SPAST: variants seen among roughly 807,000 people sequenced by gnomAD.
The protein encoded by SPAST is spastin.
In SPAST, 30 loss-of-function variants were observed where a neutral mutation model predicts 76.6. The ratio of observed to expected loss-of-function variants is 0.39; its 90% CI spans 0.29 to 0.53. SPAST has a LOEUF of 0.53. Among genes scored for constraint, SPAST ranks in the 20% least tolerant of loss-of-function variants. The pLI, the probability that SPAST is intolerant of heterozygous loss-of-function variation, is 0.68. For missense variants in SPAST, 717 were observed against 770.5 expected (o/e 0.93, Z 0.82); for synonymous variants, 305 against 281.0 (o/e 1.09, Z -0.86).
intron 5 of SPAST, 131 bp downstream of exon 5, chr2:32,114,956 A>ATTTT: frequency 1.8e-6 from 1 of 556,006 alleles, no homozygotes; most frequent in Non-Finnish European, 2.9e-6. Flanking sequence ...CATAAAGTTA[A>ATTTT]ATTTTTTTTT....
intron 1 of SPAST, among the ~76,000 whole-genome samples, chr2:32,069,090 G>A (rs1676642338): frequency 6.6e-6 from 1 of 151,920 alleles, no homozygotes; most frequent in Non-Finnish European, 1.5e-5. Context: ...GTGCACGCCT[G>A]TAGTCCCGGG....
intron 3 of SPAST, among the ~76,000 whole-genome samples, chr2:32,093,186 C>G (rs1319322348): frequency 6.6e-6 from 1 of 151,264 alleles, no homozygotes; most frequent in African/African-American, 2.4e-5. Context: ...TGGCGGGCGC[C>G]TGTAGTCCCA....
chr2:32,076,123 A>G (rs544647620), intron 1 of SPAST, among the ~76,000 whole-genome samples: 1 of 147,058 alleles, frequency 6.8e-6, no homozygotes, highest in South Asian at 2.2e-4. Flanking sequence ...CTAGCCTTGA[A>G]CTCCTCGCCT....
In SPAST at chr2:32,143,452, A is replaced by G. The variant is rs1315780008; in HGVS notation, c.1616+37A>G. The stretch of plus-strand genomic sequence containing the variant: ...GGATTTGGTTTATCTTACAGCTTTT[A>G]TTTATTTTTTGTAAATAATTCTTTT... On this transcript the variant is annotated intron_variant, in intron 14 of 16. Transcript: ENST00000315285. 4 of 1,230,870 alleles carry G rather than the reference A, an allele frequency of 3.2e-6. No homozygotes were observed. In the African/African-American group the frequency reaches 6.0e-5, roughly 19 times the overall value. The allele number at this position is 1,230,870 out of a possible 1,614,324, so 76.2% of individuals were successfully genotyped here. A position where few individuals can be genotyped will look rare whatever the true frequency, so the allele number is the denominator to read the frequency against.
chr2:32,148,537 C>T (rs1213869458), intron 16 of SPAST, among the ~76,000 whole-genome samples: 2 of 151,500 alleles, frequency 1.3e-5, no homozygotes, highest in Non-Finnish European at 2.9e-5. Flanking sequence ...AGGCCGGGGG[C>T]GGTGGCTCAC....
intron 1 of SPAST, among the ~76,000 whole-genome samples, chr2:32,086,105 A>G (rs961610827): frequency 2.0e-5 from 3 of 152,084 alleles, no homozygotes; most frequent in African/African-American, 7.2e-5. Context: ...ATTGTATTAT[A>G]TTGATTTTGA....
At chr2:32,147,345 GTTTTTTTTTTTTTTT>G in intron 16 of SPAST, 87 bp downstream of exon 16, 2 of 160,090 alleles carry the variant, frequency 1.2e-5, no homozygotes, top group Non-Finnish European at 2.1e-5. Context: ...TGTGTGTGTG[GTTTTTTTTTTTTTTT>G]TTTTTTTTTT....
intron 4 of SPAST, among the ~76,000 whole-genome samples, chr2:32,102,371 G>T (rs1169340577): frequency 1.3e-5 from 2 of 151,174 alleles, no homozygotes; most frequent in Non-Finnish European, 3.0e-5. Context: ...GAGATTTTGG[G>T]CTGAGATGAT....
chr2:32,147,423 A>C (rs1046694038), intron 16 of SPAST, among the ~76,000 whole-genome samples, 165 bp downstream of exon 16: 2 of 135,586 alleles, frequency 1.5e-5, no homozygotes, highest in African/African-American at 5.7e-5. Flanking sequence ...CCTGGATTCA[A>C]GCTATTCTCC....
At chr2:32,082,061 C>G (rs941857531) in intron 1 of SPAST, among the ~76,000 whole-genome samples, 8 of 132,372 alleles carry the variant, frequency 6.0e-5, no homozygotes, top group African/African-American at 2.0e-4. Flanking sequence ...TGCGACCTCC[C>G]TTACTGCAAC....
At chr2:32,111,943 T>G (rs1678624431) in intron 4 of SPAST, among the ~76,000 whole-genome samples, 1 of 148,892 alleles carries the variant, frequency 6.7e-6, no homozygotes, top group African/African-American at 2.4e-5. Context: ...ATACATATTT[T>G]TATTTATTTA....
At chr2:32,148,373 A>G (rs939100626) in intron 16 of SPAST, among the ~76,000 whole-genome samples, 6 of 152,130 alleles carry the variant, frequency 3.9e-5, no homozygotes, top group African/African-American at 1.4e-4. Flanking sequence ...ATAAATACCA[A>G]ACAGAAGAAA....
intron 8 of SPAST, chr2:32,128,136 A>G: frequency 2.6e-6 from 1 of 384,584 alleles, no homozygotes; most frequent in Non-Finnish European, 4.9e-6. Flanking sequence ...CTGGGATTAC[A>G]GGCATGCGCC....
intron 12 of SPAST, among the ~76,000 whole-genome samples, chr2:32,139,514 A>AT (rs1391587600): frequency 1.5e-4 from 23 of 152,294 alleles, no homozygotes; most frequent in African/African-American, 5.3e-4. Flanking sequence ...ACACAGTCCC[A>AT]TTTACAATAG....
At chr2:32,110,613 ATAGT>A (rs1262229044) in intron 4 of SPAST, among the ~76,000 whole-genome samples, 2 of 133,216 alleles carry the variant, frequency 1.5e-5, no homozygotes, top group African/African-American at 5.7e-5. Context: ...TATATACTAT[ATAGT>A]GTATATATAG....
Position 32,063,681 on chromosome 2 carries a change from C to A in SPAST, c.-151C>A. The A allele has an allele frequency of 3.0e-6, 3 of 1,015,278 alleles. No individual in the cohort carries two copies. The highest frequency in any genetic ancestry group is 3.3e-5 in the South Asian group (2 of 60,056). The allele number at this position is 1,015,278 out of a possible 1,614,324, so 62.9% of individuals were successfully genotyped here. A position where few individuals can be genotyped will look rare whatever the true frequency, so the allele number is the denominator to read the frequency against. ...CCGAGGAAGGAGAAAGGGGCGGGGC[C>A]GGCGGGCAGCGTGCGGCAGTGCGGA... On this transcript the variant is annotated 5_prime_UTR_variant, in exon 1 of 17. Coordinates refer to ENST00000315285, the MANE Select transcript of SPAST (RefSeq NM_014946.4).
chr2:32,100,778 A>G (rs1296062100), intron 4 of SPAST, among the ~76,000 whole-genome samples: 1 of 152,178 alleles, frequency 6.6e-6, no homozygotes, highest in Non-Finnish European at 1.5e-5. Context: ...TGTCCCTACA[A>G]AGGACATGAA....
At chr2:32,134,656 A>G (rs1251080307) in intron 9 of SPAST, among the ~76,000 whole-genome samples, 2 of 152,036 alleles carry the variant, frequency 1.3e-5, no homozygotes, top group East Asian at 3.9e-4. Context: ...GGTATAATGG[A>G]AAGTATTGTT....
intron 16 of SPAST, among the ~76,000 whole-genome samples, chr2:32,148,832 G>A (rs1297374911): frequency 6.9e-6 from 1 of 144,388 alleles, no homozygotes; most frequent in Non-Finnish European, 1.5e-5. Flanking sequence ...AAAATAGCTG[G>A]GCATGGTGGC....
Sources: allele counts gnomAD v4.1 joint callset (sites outside exome capture counted in the v4.1 genomes callset), GRCh38; gene constraint gnomAD v4.1.1; transcripts MANE v1.5; gene names NCBI Gene and HGNC (gene_info 2026-07-23, HGNC 2026-07-21).